WWOX: variants seen among roughly 807,000 people sequenced by gnomAD.
WWOX encodes WW domain containing oxidoreductase, also known as WW domain-containing oxidoreductase.
In WWOX, 69 loss-of-function variants were observed where a neutral mutation model predicts 46.2. The ratio of observed to expected loss-of-function variants is 1.49; its 90% CI spans 1.23 to 1.82. The LOEUF is 1.82. WWOX is among the 40% of genes most tolerant of loss of function. The pLI, the probability that WWOX is intolerant of heterozygous loss-of-function variation, is 0.00. For synonymous variants in WWOX, 359 were observed against 202.6 expected (o/e 1.77, Z -6.56); for missense variants, 919 against 542.6 (o/e 1.69, Z -6.89).
Position 78,489,990 on chromosome 16 carries a change from T to G in WWOX, c.1056+57238T>G, listed in dbSNP as rs537970279. 2.0e-5 allele frequency among the ~76,000 whole-genome samples: 3 copies of G among 152,308 alleles called. No homozygotes were observed. The East Asian group carries it at 5.8e-4, about 29-fold the overall frequency. ...TAACCAATTCTTTTAAAAGAACATC[T>G]GTTGAAACTGGCAATTTACATTCTT... is the stretch of plus-strand genomic sequence containing the variant. On this transcript the variant is annotated intron_variant, in intron 8 of 8. Transcript: ENST00000566780.
At chr16:78,380,460 T>G (rs1363152061) in intron 5 of WWOX, among the ~76,000 whole-genome samples, 2 of 152,130 alleles carry the variant, frequency 1.3e-5, no homozygotes, top group African/African-American at 4.8e-5. Context: ...GAAATGGTTG[T>G]TGTTTTGAGA....
At chr16:78,862,502 G>C (rs902108638) in intron 8 of WWOX, among the ~76,000 whole-genome samples, 7 of 151,836 alleles carry the variant, frequency 4.6e-5, no homozygotes, top group Non-Finnish European at 8.8e-5. Context: ...ACATTTTTCT[G>C]TATATATGTA....
intron 8 of WWOX, among the ~76,000 whole-genome samples, chr16:79,093,343 A>T (rs189244440): frequency 3.9e-4 from 60 of 152,318 alleles, no homozygotes; most frequent in African/African-American, 1.4e-3. Context: ...AAATTTGTTT[A>T]TTTAAATTTT....
At chr16:78,430,550 C>T (rs556456893) in intron 7 of WWOX, among the ~76,000 whole-genome samples, 2 of 152,200 alleles carry the variant, frequency 1.3e-5, no homozygotes, top group African/African-American at 4.8e-5. Flanking sequence ...ATCTGCCATC[C>T]CTGCTACCAT....
At chr16:78,740,399 TA>T (rs1192872777) in intron 8 of WWOX, among the ~76,000 whole-genome samples, 1 of 152,140 alleles carries the variant, frequency 6.6e-6, no homozygotes, top group East Asian at 1.9e-4. Flanking sequence ...GCTCTGCTAA[TA>T]GGGTTGGCAG....
At chr16:78,749,280 G>C (rs903741162) in intron 8 of WWOX, among the ~76,000 whole-genome samples, 1 of 152,098 alleles carries the variant, frequency 6.6e-6, no homozygotes, top group African/African-American at 2.4e-5. Flanking sequence ...CAGAGCTCGA[G>C]AGAAGTTCAA....
Position 78,552,238 on chromosome 16 carries a change from G to C in WWOX, c.1056+119486G>C, listed in dbSNP as rs931534917. The C allele has an allele frequency of 1.2e-4, 18 of 152,244 alleles. No homozygotes were observed. In the East Asian group the frequency reaches 2.5e-3, roughly 21 times the overall value. The allele number at this position is 152,244 out of a possible 1,614,324, so 9.4% of individuals were successfully genotyped here. A position where few individuals can be genotyped will look rare whatever the true frequency, so the allele number is the denominator to read the frequency against. ...AAGATGATACTTGTAATGCCGTTCC[G>C]ATGAGGCCGTCTCACTCCGTAAACT... On this transcript the variant is annotated intron_variant, in intron 8 of 8. Coordinates refer to ENST00000566780, the MANE Select transcript of WWOX (RefSeq NM_016373.4).
At chr16:78,427,265 C>T (rs1597068517) in intron 7 of WWOX, among the ~76,000 whole-genome samples, 1 of 152,166 alleles carries the variant, frequency 6.6e-6, no homozygotes, top group East Asian at 1.9e-4. Context: ...TACTAGACTG[C>T]TCCAAGGCAA....
At chr16:78,491,868 C>G (rs1157329354) in intron 8 of WWOX, among the ~76,000 whole-genome samples, 1 of 152,174 alleles carries the variant, frequency 6.6e-6, no homozygotes, top group Non-Finnish European at 1.5e-5. Context: ...CCCCTTTACA[C>G]ATTGCCGTTC....
intron 8 of WWOX, among the ~76,000 whole-genome samples, chr16:78,461,231 C>T (rs929016491): frequency 1.3e-5 from 2 of 152,206 alleles, no homozygotes; most frequent in African/African-American, 4.8e-5. Flanking sequence ...GCCCACCTGT[C>T]CAATTCTAGC....
chr16:78,574,636 A>G (rs1395748910), intron 8 of WWOX, among the ~76,000 whole-genome samples: 1 of 151,982 alleles, frequency 6.6e-6, no homozygotes, highest in African/African-American at 2.4e-5. Context: ...TATGTGAACC[A>G]CATTTTTAAA....
At chr16:79,106,133 AC>A (rs1216265246) in intron 8 of WWOX, 1 of 152,000 alleles carries the variant, frequency 6.6e-6, no homozygotes, top group African/African-American at 2.4e-5. Flanking sequence ...TTCTTAGGCC[AC>A]TCCCCAGACC....
chr16:79,026,872 G>T (rs888349289), intron 8 of WWOX, among the ~76,000 whole-genome samples: 2 of 148,384 alleles, frequency 1.3e-5, no homozygotes, highest in African/African-American at 2.5e-5. Flanking sequence ...CTTGTGATCT[G>T]CCCACCTCAG....
At chr16:78,856,354 T>A (rs1050678884) in intron 8 of WWOX, among the ~76,000 whole-genome samples, 1 of 152,160 alleles carries the variant, frequency 6.6e-6, no homozygotes, top group African/African-American at 2.4e-5. Context: ...AGAAGTTGAA[T>A]AGATCTAGCC....
intron 8 of WWOX, among the ~76,000 whole-genome samples, chr16:78,492,086 A>G (rs761200935): frequency 5.9e-5 from 9 of 152,162 alleles, no homozygotes; most frequent in Non-Finnish European, 2.9e-5. Flanking sequence ...GAAACTTAGC[A>G]TTCTCAGATT....
intron 8 of WWOX, among the ~76,000 whole-genome samples, chr16:79,086,993 G>C (rs1205786228): frequency 6.6e-6 from 1 of 152,226 alleles, no homozygotes; most frequent in African/African-American, 2.4e-5. Context: ...GATATGGTGA[G>C]AGAGGCAGCC....
intron 8 of WWOX, among the ~76,000 whole-genome samples, chr16:78,794,550 C>A (rs1260464122): frequency 6.6e-6 from 1 of 152,184 alleles, no homozygotes; most frequent in African/African-American, 2.4e-5. Flanking sequence ...TGAATAATAT[C>A]TAAGAGGTAA....
At chr16:78,274,302 G>C (rs1279287838) in intron 5 of WWOX, among the ~76,000 whole-genome samples, 1 of 152,094 alleles carries the variant, frequency 6.6e-6, no homozygotes, top group Admixed American at 6.5e-5. Context: ...AATGATCACT[G>C]TTCCTTCCAG....
In WWOX at chr16:78,342,187, T is replaced by A. The variant is rs557074673; in HGVS notation, c.517-44673T>A. ...GAATGCTTTATCAGAAAACTGTATT[T>A]GGAGGGGACCTTTCTGGGGTCTTTT... On this transcript the variant is annotated intron_variant, in intron 5 of 8. Coordinates refer to ENST00000566780, the MANE Select transcript of WWOX (RefSeq NM_016373.4). Among the ~76,000 whole-genome samples the A allele has an allele frequency of 2.5e-4, 30 of 121,664 alleles. 4 individuals carry two copies. The highest frequency in any genetic ancestry group is 8.3e-4 in the African/African-American group (30 of 36,086). The allele number at this position is 121,664 out of a possible 152,430, so 79.8% of individuals were successfully genotyped here.
Sources: allele counts gnomAD v4.1 joint callset (sites outside exome capture counted in the v4.1 genomes callset), GRCh38; gene constraint gnomAD v4.1.1; transcripts MANE v1.5; gene names NCBI Gene and HGNC (gene_info 2026-07-23, HGNC 2026-07-21).